The following SBF2 variants were observed in gnomAD, a reference collection of about 807,000 sequenced individuals.
SBF2 encodes SET binding factor 2, also known as myotubularin-related protein 13.
In SBF2, 112 loss-of-function variants were observed where a neutral mutation model predicts 225.2. That is an observed-to-expected ratio of 0.50 (90% CI 0.43 to 0.58). The LOEUF is 0.58. Ranked by LOEUF, SBF2 falls within the 20% of genes least tolerant of loss-of-function variation. The pLI, the probability that SBF2 is intolerant of heterozygous loss-of-function variation, is 0.00. For missense variants in SBF2, 1,996 were observed against 2,206.2 expected, an observed-to-expected ratio of 0.90 and a Z score of 1.91; for synonymous variants, 763 against 773.3, an observed-to-expected ratio of 0.99 and a Z score of 0.22.
chr11:9,903,680 C>T (rs1861904330), intron 16 of SBF2, among the ~76,000 whole-genome samples: 1 of 152,186 alleles, frequency 6.6e-6, no homozygotes, highest in African/African-American at 2.4e-5. Context: ...AACCTTGATC[C>T]TAGGACTTTA....
chr11:10,277,098 A>C (rs1246227344), intron 1 of SBF2, among the ~76,000 whole-genome samples: 1 of 134,462 alleles, frequency 7.4e-6, no homozygotes, highest in African/African-American at 2.8e-5. Context: ...GTGCCACTGC[A>C]CTCCTGCCTG....
chr11:9,908,687 T>G (rs12418989), intron 16 of SBF2, among the ~76,000 whole-genome samples: 8,040 of 151,670 alleles, frequency 0.053, 396 homozygotes, highest in East Asian at 0.28. Context: ...GTTCATAATC[T>G]TGTTGTTGCT....
intron 2 of SBF2, among the ~76,000 whole-genome samples, chr11:10,120,562 G>C (rs916010151): frequency 6.6e-6 from 1 of 152,114 alleles, no homozygotes; most frequent in Admixed American, 6.6e-5. Flanking sequence ...CCTGCTAATA[G>C]GGCAAAAGGG....
intron 2 of SBF2, among the ~76,000 whole-genome samples, chr11:10,106,772 G>C (rs1952576759): frequency 6.6e-6 from 1 of 151,850 alleles, no homozygotes; most frequent in Non-Finnish European, 1.5e-5. Flanking sequence ...TGAAGGACTT[G>C]TATCCAGATA....
Position 9,832,411 on chromosome 11 carries a change from G to T in SBF2, c.3465C>A (p.Gly1155=), listed in dbSNP as rs1855456773. Residue 1155 remains glycine, a synonymous_variant, in exon 27 of 40, where the codon GGC becomes GGA. Coordinates refer to ENST00000256190, the MANE Select transcript of SBF2 (RefSeq NM_030962.4). The part of the protein sequence containing the change: ...RMYSLCRSYP[G]LLVVPQAVQD... Reference sequence around the variant, plus strand: ...GTACAGCTTGAGGTACGACTAAAAGGCCAGGATAGCTTCAGAGACATAGAA... The same window carrying T: ...GTACAGCTTGAGGTACGACTAAAAGTCCAGGATAGCTTCAGAGACATAGAA... The T allele has an allele frequency of 6.2e-7, 1 of 1,612,658 alleles. No homozygotes were observed. Among genetic ancestry groups the T allele is most frequent in the South Asian group, 1.1e-5 (1 of 91,022 alleles).
At chr11:10,250,854 T>C (rs752210074) in intron 1 of SBF2, among the ~76,000 whole-genome samples, 12 of 152,122 alleles carry the variant, frequency 7.9e-5, no homozygotes, top group Non-Finnish European at 1.3e-4. Context: ...GAAGGGTCCC[T>C]CCACACTCTT....
chr11:10,186,549 C>A lies in SBF2; in HGVS notation c.141+7353G>T, dbSNP rs375520314. Among the ~76,000 whole-genome samples, 56 of 151,692 alleles carry A rather than the reference C, an allele frequency of 3.7e-4. 2 individuals carry two copies. Among genetic ancestry groups the A allele is most frequent in the Admixed American group, 9.8e-4 (15 of 15,262 alleles). ...AGATCCTGTGTCTCTTTAAAACAAT[C>A]AAAAAAAATGTGTTCATCAACCCAA... On this transcript the variant is annotated intron_variant, in intron 2 of 39. Transcript: ENST00000256190.
chr11:9,827,442 T>C (rs1855135915), intron 28 of SBF2, among the ~76,000 whole-genome samples: 1 of 151,666 alleles, frequency 6.6e-6, no homozygotes, highest in South Asian at 2.1e-4. Flanking sequence ...GGCAGGAGGA[T>C]TGCTCAAGCC....
chr11:10,301,256 T>G (rs535132901), intron 1 of SBF2, among the ~76,000 whole-genome samples: 1 of 152,356 alleles, frequency 6.6e-6, no homozygotes, highest in African/African-American at 2.4e-5. Flanking sequence ...CTCCCGGAAC[T>G]GTATGCCTAT....
chr11:10,177,744 T>C (rs1454207470), intron 2 of SBF2, among the ~76,000 whole-genome samples: 1 of 150,848 alleles, frequency 6.6e-6, no homozygotes, highest in Admixed American at 6.6e-5. Flanking sequence ...GAAGAATCAA[T>C]ATTGTGAAAA....
Position 10,253,577 on chromosome 11 carries a change from A to G in SBF2, c.55+40438T>C, listed in dbSNP as rs80073804. ...CAGACTCTACCAATACAAAACTACA[A>G]TGATTACTTTTGGGAAGTCTGCATT... On this transcript the variant is annotated intron_variant, in intron 1 of 39. Coordinates refer to ENST00000256190, the MANE Select transcript of SBF2 (RefSeq NM_030962.4). 8.0e-3 allele frequency among the ~76,000 whole-genome samples: 1,221 copies of G among 152,268 alleles called. 5 individuals carry two copies. Among genetic ancestry groups the G allele is most frequent in the Middle Eastern group, 0.014 (4 of 294 alleles).
chr11:10,239,845 TTTGA>T (rs1197923126), intron 1 of SBF2, among the ~76,000 whole-genome samples: 1 of 152,188 alleles, frequency 6.6e-6, no homozygotes, highest in Non-Finnish European at 1.5e-5. Flanking sequence ...GTTTTAAAAT[TTTGA>T]TTATGTTTTA....
intron 16 of SBF2, among the ~76,000 whole-genome samples, chr11:9,921,186 T>C (rs1391822126): frequency 1.3e-5 from 2 of 149,162 alleles, no homozygotes; most frequent in Non-Finnish European, 3.0e-5. Context: ...TTCTCCTGCC[T>C]CAGCCTCCCA....
At chr11:10,211,563 G>A (rs1276101321) in intron 1 of SBF2, among the ~76,000 whole-genome samples, 2 of 152,160 alleles carry the variant, frequency 1.3e-5, no homozygotes, top group African/African-American at 4.8e-5. Flanking sequence ...TGTCTTTAGT[G>A]TCTTTACAAA....
Position 10,029,886 on chromosome 11 carries a change from A to C in SBF2, c.403-11T>G. On this transcript the variant is annotated splice_polypyrimidine_tract_variant and intron_variant, in intron 4 of 39. Coordinates refer to ENST00000256190, the MANE Select transcript of SBF2 (RefSeq NM_030962.4). ...CAAACCCAGGCAAGCCTGCAAAAAG[A>C]TAAATACATGTAATTATTTCATGGA... 1 of 1,512,042 alleles carries C rather than the reference A, an allele frequency of 6.6e-7. No individual in the cohort carries two copies. The highest frequency in any genetic ancestry group is 1.1e-5 in the South Asian group (1 of 89,036). The allele number at this position is 1,512,042 out of a possible 1,614,324, so 93.7% of individuals were successfully genotyped here.
intron 13 of SBF2, among the ~76,000 whole-genome samples, chr11:9,977,629 T>A (rs1400456880): frequency 3.9e-5 from 6 of 152,214 alleles, no homozygotes; most frequent in Non-Finnish European, 8.8e-5. Context: ...AGAAGCTGCA[T>A]AGAGGTGTTG....
intron 2 of SBF2, among the ~76,000 whole-genome samples, chr11:10,082,695 T>TA (rs1338047322): frequency 1.3e-5 from 2 of 152,094 alleles, no homozygotes; most frequent in Non-Finnish European, 2.9e-5. Context: ...CCCTTTATAA[T>TA]AAAAACCTTC....
At chr11:9,929,880 G>A (rs1383290654) in intron 16 of SBF2, among the ~76,000 whole-genome samples, 1 of 152,098 alleles carries the variant, frequency 6.6e-6, no homozygotes, top group Admixed American at 6.5e-5. Flanking sequence ...ATTATTAACT[G>A]GCAAAAATGT....
At chr11:10,172,797 G>C (rs1256409187) in intron 2 of SBF2, among the ~76,000 whole-genome samples, 3 of 152,198 alleles carry the variant, frequency 2.0e-5, no homozygotes, top group Non-Finnish European at 1.5e-5. Flanking sequence ...CTCCCGAGTA[G>C]CTGGGATTAC....
Sources: allele counts gnomAD v4.1 joint callset (sites outside exome capture counted in the v4.1 genomes callset), GRCh38; gene constraint gnomAD v4.1.1; transcripts MANE v1.5; gene names NCBI Gene and HGNC (gene_info 2026-07-23, HGNC 2026-07-21).